ZZEF1: variants seen among roughly 807,000 people sequenced by gnomAD.
The protein encoded by ZZEF1 is zinc finger ZZ-type and EF-hand domain containing 1, also known as zinc finger ZZ-type and EF-hand domain-containing protein 1.
In ZZEF1, 157 loss-of-function variants were observed where a neutral mutation model predicts 342.8. That is an observed-to-expected ratio of 0.46 (90% CI 0.40 to 0.52). ZZEF1 has a LOEUF of 0.52. Ranked by LOEUF, ZZEF1 falls within the 20% of genes least tolerant of loss-of-function variation. ZZEF1 has a pLI of 0.00. For missense variants in ZZEF1, 3,480 were observed against 3,725.6 expected (o/e 0.93, Z 1.72); for synonymous variants, 1,505 against 1,429.1 (o/e 1.05, Z -1.20).
chr17:4,095,316 C>T (rs188748114), intron 11 of ZZEF1, among the ~76,000 whole-genome samples: 3 of 152,280 alleles, frequency 2.0e-5, no homozygotes, highest in African/African-American at 4.8e-5. Context: ...CCCACAGCGC[C>T]CTTTCTCCCC....
chr17:4,088,039 C>T (rs1240376336), intron 13 of ZZEF1, among the ~76,000 whole-genome samples: 1 of 152,158 alleles, frequency 6.6e-6, no homozygotes, highest in Non-Finnish European at 1.5e-5. Context: ...GAAGACCAAA[C>T]AAACCTTATA....
At position 4,017,563 on chromosome 17, in the gene ZZEF1, G is replaced by A. The variant is rs2056141075; in HGVS notation, c.7809C>T (p.Val2603=). ...KELNCKSKRA[V]RDYLFRVNEA... is the part of the protein sequence containing the mutation. ...CGTTCACTCGGAAGAGGTAGTCCCG[G>A]ACAGCCCTCTTACTCTTGCAGTTCA... The change falls in exon 48 of 55, where the codon GTC becomes GTT. Residue 2603 remains valine, a synonymous_variant. Coordinates refer to ENST00000381638, the MANE Select transcript of ZZEF1 (RefSeq NM_015113.4). This position sits in a 1 kb window ranked among gnomAD's most constrained non-coding sequence, Gnocchi z 5.1. 1.2e-6 allele frequency: 2 copies of A among 1,614,250 alleles called. No homozygotes were observed. The highest frequency in any genetic ancestry group is 1.7e-6 in the Non-Finnish European group (2 of 1,180,034).
rs755380281 is a variant in ZZEF1, at chr17:4,052,143, A to C, written c.5435-7T>G. ...CCCTCAGGCTTCACCCCACCTGAGG[A>C]GAAACACAGCAGTGTGAGGGGATGA... On this transcript the variant is annotated splice_region_variant and splice_polypyrimidine_tract_variant and intron_variant, in intron 34 of 54. Transcript: ENST00000381638. 5 of 1,607,894 alleles carry C rather than the reference A, an allele frequency of 3.1e-6. No homozygotes were observed. The East Asian group carries it at 1.1e-4, about 36-fold the overall frequency.
Position 4,017,910 on chromosome 17 carries a change from G to C in ZZEF1, c.7567C>G (p.Pro2523Ala). ...TCTTCCAGCCTCAGACTCTTACTGG[G>C]CTGCCACCGCTGAGCCAGGGACCGT... Reference protein sequence around the residue: ...RIRSLAQRWQPSKSLRLEEQS... With the variant: ...RIRSLAQRWQASKSLRLEEQS... Residue 2523 changes from proline (P) to alanine (A), a missense_variant, in exon 47 of 55, where the codon CCC (proline) becomes GCC (alanine). By Grantham distance (27) the Pro-to-Ala change is conservative. This residue lies in a region of ZZEF1 where 1,269 missense variants were observed against 1,342.4 expected (regional missense o/e 0.95). Coordinates refer to ENST00000381638, the MANE Select transcript of ZZEF1 (RefSeq NM_015113.4). This position sits in a 1 kb window ranked among gnomAD's most constrained non-coding sequence, Gnocchi z 5.1. The C allele has an allele frequency of 1.2e-6, 2 of 1,614,126 alleles. No homozygotes were observed. Among genetic ancestry groups the C allele is most frequent in the Non-Finnish European group, 1.7e-6 (2 of 1,180,040 alleles).
At chr17:4,132,942 G>C (rs944826176) in intron 1 of ZZEF1, among the ~76,000 whole-genome samples, 1 of 151,946 alleles carries the variant, frequency 6.6e-6, no homozygotes. Flanking sequence ...GTCCAGCCTG[G>C]GCGACAGAGC....
chr17:4,090,554 C>T (rs574702557), intron 12 of ZZEF1, among the ~76,000 whole-genome samples, 165 bp downstream of exon 12: 17 of 152,348 alleles, frequency 1.1e-4, no homozygotes, highest in African/African-American at 4.1e-4. Flanking sequence ...TATCACAGCT[C>T]GTATCACACT....
chr17:4,122,828 A>G (rs957999373), intron 2 of ZZEF1, among the ~76,000 whole-genome samples: 1 of 152,150 alleles, frequency 6.6e-6, no homozygotes, highest in Non-Finnish European at 1.5e-5. Context: ...AGACAGAAAG[A>G]GAAAGAAAGA....
chr17:4,033,282 A>T, intron 40 of ZZEF1: 1 of 332,568 alleles, frequency 3.0e-6, no homozygotes, highest in Non-Finnish European at 5.5e-6. Context: ...ACACAGAAGA[A>T]AATGTAGTGA....
At chr17:4,039,520 A>C (rs1220839837) in intron 39 of ZZEF1, among the ~76,000 whole-genome samples, 1 of 152,208 alleles carries the variant, frequency 6.6e-6, no homozygotes, top group Non-Finnish European at 1.5e-5. Flanking sequence ...CAGGAGATGC[A>C]AATGGGGCAG....
chr17:4,142,981 G>C lies in ZZEF1; in HGVS notation c.-86C>G. ...TGTCAACCTCCGACAGCAGCTGGCG[G>C]GCGGGGACGCGGAGGAGACGACGGC... On this transcript the variant is annotated 5_prime_UTR_variant, in exon 1 of 55. Coordinates refer to ENST00000381638, the MANE Select transcript of ZZEF1 (RefSeq NM_015113.4). 2 of 1,263,428 alleles carry C rather than the reference G, an allele frequency of 1.6e-6. No individual in the cohort carries two copies. The highest frequency in any genetic ancestry group is 2.0e-6 in the Non-Finnish European group (2 of 1,008,488). 78.3% of individuals were successfully genotyped at this position (1,263,428 alleles called of 1,614,324 possible). A position where few individuals can be genotyped will look rare whatever the true frequency, so the allele number is the denominator to read the frequency against.
intron 54 of ZZEF1, among the ~76,000 whole-genome samples, chr17:4,007,416 G>A (rs1246729987): frequency 6.6e-6 from 1 of 152,244 alleles, no homozygotes; most frequent in Non-Finnish European, 1.5e-5. Flanking sequence ...GCAGCAAGAG[G>A]GTGGAGGTGG....
chr17:4,006,769 G>T lies in ZZEF1; in HGVS notation c.*121C>A. On this transcript the variant is annotated 3_prime_UTR_variant, in exon 55 of 55. Transcript: ENST00000381638. Reference sequence around the variant, plus strand: ...ACGTGGCTGCTTGGCATCCTAACTGGAGTGGTCAGCTCAAGGAGAGCTGGG... The same window carrying T: ...ACGTGGCTGCTTGGCATCCTAACTGTAGTGGTCAGCTCAAGGAGAGCTGGG... The T allele has an allele frequency of 9.7e-7, 1 of 1,027,100 alleles. No individual in the cohort carries two copies. The highest frequency in any genetic ancestry group is 1.5e-6 in the Non-Finnish European group (1 of 672,676). 63.6% of individuals were successfully genotyped at this position (1,027,100 alleles called of 1,614,324 possible). A position where few individuals can be genotyped will look rare whatever the true frequency, so the allele number is the denominator to read the frequency against.
chr17:4,124,603 A>C (rs1297785486), intron 1 of ZZEF1, among the ~76,000 whole-genome samples: 1 of 128,594 alleles, frequency 7.8e-6, no homozygotes, highest in Non-Finnish European at 1.6e-5. Context: ...CCACAACGCC[A>C]AGCTGATTTT....
chr17:4,014,946 A>G lies in ZZEF1; in HGVS notation c.8146-431T>C, dbSNP rs538993939. 6.6e-6 allele frequency among the ~76,000 whole-genome samples: 1 copy of G among 152,210 alleles called. No individual in the cohort carries two copies. The highest frequency in any genetic ancestry group is 6.5e-5 in the Admixed American group (1 of 15,276). On this transcript the variant is annotated intron_variant, in intron 49 of 54. Transcript: ENST00000381638. This position sits in a 1 kb window ranked among gnomAD's most constrained non-coding sequence, Gnocchi z 4.4. ...TGCTACATGGGCACGTATGCTTGGGAAGCAGGAACAGGGACAAGACCTGAC... is the reference window on the plus strand; with the variant it reads ...TGCTACATGGGCACGTATGCTTGGGGAGCAGGAACAGGGACAAGACCTGAC...
chr17:4,128,594 G>A (rs2058613817), intron 1 of ZZEF1, among the ~76,000 whole-genome samples: 4 of 150,972 alleles, frequency 2.6e-5, no homozygotes, highest in Admixed American at 2.6e-4. Flanking sequence ...CGAGTAGCTG[G>A]GACCACAGGC....
At position 4,042,978 on chromosome 17, in the gene ZZEF1, G is replaced by C. The variant is rs375109758; in HGVS notation, c.6167-410C>G. Among the ~76,000 whole-genome samples the C allele has an allele frequency of 3.3e-5, 5 of 152,146 alleles. No individual in the cohort carries two copies. In the East Asian group the frequency reaches 5.8e-4, roughly 18 times the overall value. On this transcript the variant is annotated intron_variant, in intron 38 of 54. Coordinates refer to ENST00000381638, the MANE Select transcript of ZZEF1 (RefSeq NM_015113.4). ...ATTACAGGCCTGAGCCACTGCTCCC[G>C]GCCTAAAGCTGGGATTTTAAAAGCC...
chr17:4,117,774 C>T (rs1360382527), intron 2 of ZZEF1, among the ~76,000 whole-genome samples: 1 of 151,376 alleles, frequency 6.6e-6, no homozygotes, highest in African/African-American at 2.4e-5. Context: ...CACTAATAGA[C>T]GTTTTTAAGG....
In ZZEF1 at chr17:4,034,106, T is replaced by C. The variant is rs370578678; in HGVS notation, c.6493A>G (p.Asn2165Asp). Residue 2165 changes from asparagine (N) to aspartate (D), a missense_variant, in exon 40 of 55, where the codon AAC becomes GAC. Physicochemically the swap from Asn to Asp is conservative, Grantham distance 23. Coordinates refer to ENST00000381638, the MANE Select transcript of ZZEF1 (RefSeq NM_015113.4). The stretch of plus-strand genomic sequence containing the variant: ...GAACTGTCCCCTGCAGCAAACAGGT[T>C]GTGTTTGGCTGAGAGGACTTTGATC... ...AVIKVLSAKH[N>D]LFAAGDSSIV... The C allele has an allele frequency of 1.6e-4, 265 of 1,614,050 alleles. No homozygotes were observed. Among genetic ancestry groups the C allele is most frequent in the Non-Finnish European group, 2.2e-4 (255 of 1,180,040 alleles).
chr17:4,133,064 A>G (rs2058695120), intron 1 of ZZEF1, among the ~76,000 whole-genome samples: 1 of 152,154 alleles, frequency 6.6e-6, no homozygotes, highest in Non-Finnish European at 1.5e-5. Context: ...ACTACCAGAT[A>G]ATAGCTACTT....
Sources: allele counts gnomAD v4.1 joint callset (sites outside exome capture counted in the v4.1 genomes callset), GRCh38; gene constraint gnomAD v4.1.1; regional missense constraint gnomAD v4.1.1; non-coding constraint Gnocchi (gnomAD v3.1); transcripts MANE v1.5; gene names NCBI Gene and HGNC (gene_info 2026-07-23, HGNC 2026-07-21).